Variants in UNC13C observed in about 807,000 individuals in gnomAD.
UNC13C encodes protein unc-13 homolog C.
In UNC13C, 174 loss-of-function variants were observed where a neutral mutation model predicts 245.4. The observed-to-expected ratio is 0.71, with a 90% CI of 0.63 to 0.80. The LOEUF (loss-of-function observed/expected upper bound fraction) is 0.80. Ranked by LOEUF, UNC13C falls within the 30% of genes least tolerant of loss-of-function variation. The pLI is 0.00. For missense variants in UNC13C, 2,829 were observed against 2,602.9 expected (o/e 1.09, Z -1.89); for synonymous variants, 992 against 895.1 (o/e 1.11, Z -1.93).
the UNC13C span, among the ~76,000 whole-genome samples, chr15:53,907,761 G>A: frequency 8.7e-6 from 1 of 114,408 alleles, no homozygotes; most frequent in South Asian, 3.2e-4. Flanking sequence ...AGAGAGCAAG[G>A]TCTCTATCTA....
intron 2 of UNC13C, among the ~76,000 whole-genome samples, chr15:54,069,665 A>G (rs1042727501): frequency 1.4e-4 from 22 of 152,320 alleles, no homozygotes; most frequent in Admixed American, 1.2e-3. Context: ...GCTTAAAAGG[A>G]GAAGAAAGAA....
chr15:54,042,828 G>T (rs1030321242), intron 2 of UNC13C, among the ~76,000 whole-genome samples: 2 of 152,070 alleles, frequency 1.3e-5, no homozygotes, highest in African/African-American at 4.8e-5. Flanking sequence ...ACTCCAGCCT[G>T]GGTGACAGAG....
At chr15:54,368,157 C>G (rs1197042567) in intron 17 of UNC13C, among the ~76,000 whole-genome samples, 1 of 152,024 alleles carries the variant, frequency 6.6e-6, no homozygotes, top group Non-Finnish European at 1.5e-5. Context: ...GAGTTTCTTA[C>G]TATTGACACT....
chr15:53,864,760 A>C, the UNC13C span, among the ~76,000 whole-genome samples: 1 of 152,172 alleles, frequency 6.6e-6, no homozygotes. Context: ...AGTAACCCTG[A>C]TTTATTCTGG....
At chr15:54,212,608 A>C (rs1290301333) in intron 4 of UNC13C, among the ~76,000 whole-genome samples, 1 of 152,060 alleles carries the variant, frequency 6.6e-6, no homozygotes, top group Non-Finnish European at 1.5e-5. Context: ...GCACAACCAA[A>C]TATCCCAAAT....
chr15:54,593,886 G>A (rs574507670), intron 30 of UNC13C, among the ~76,000 whole-genome samples: 332 of 152,192 alleles, frequency 2.2e-3, no homozygotes, highest in Non-Finnish European at 3.8e-3. Context: ...GTGATTTTGG[G>A]GGCATGTTGA....
intron 4 of UNC13C, among the ~76,000 whole-genome samples, chr15:54,232,016 T>G (rs754887001): frequency 3.3e-5 from 5 of 152,116 alleles, no homozygotes; most frequent in Non-Finnish European, 7.4e-5. Context: ...AAAAATAGTT[T>G]GCATTTATGT....
chr15:54,616,612 CAGAA>C (rs1338346214), intron 30 of UNC13C, among the ~76,000 whole-genome samples: 1 of 151,846 alleles, frequency 6.6e-6, no homozygotes, highest in Non-Finnish European at 1.5e-5. Flanking sequence ...AAAAATTTTA[CAGAA>C]TAAGGTTATA....
chr15:54,014,551 G>C lies in UNC13C; in HGVS notation c.1648G>C (p.Glu550Gln). Residue 550 changes from glutamate to glutamine, a missense_variant, in exon 2 of 33, where the codon GAA (glutamate) becomes CAA (glutamine). Glu to Gln is a conservative substitution (Grantham distance 29, BLOSUM62 2). Coordinates refer to ENST00000260323, the MANE Select transcript of UNC13C (RefSeq NM_001080534.3). ...DFFTAKLSRS[E>Q]SDFSKLCQSY... is the part of the protein sequence containing the mutation. ...TTTCACTGCTAAACTTAGTCGTTCT[G>C]AATCAGATTTTTCCAAATTGTGTCA... 2 of 1,613,764 alleles carry C rather than the reference G, an allele frequency of 1.2e-6. No individual in the cohort carries two copies. Among genetic ancestry groups the C allele is most frequent in the Non-Finnish European group, 1.7e-6 (2 of 1,179,824 alleles).
intron 2 of UNC13C, among the ~76,000 whole-genome samples, chr15:54,073,553 G>C (rs2141102228): frequency 6.6e-6 from 1 of 152,276 alleles, no homozygotes. Flanking sequence ...GTTGTTTCCT[G>C]ACTTTTGAAT....
At chr15:54,080,669 C>T (rs1443212733) in intron 2 of UNC13C, among the ~76,000 whole-genome samples, 1 of 151,930 alleles carries the variant, frequency 6.6e-6, no homozygotes. Context: ...TGTGATGACA[C>T]CTTTATCAAT....
intron 19 of UNC13C, among the ~76,000 whole-genome samples, chr15:54,424,852 T>G (rs1050981847): frequency 7.9e-5 from 12 of 151,680 alleles, no homozygotes; most frequent in Non-Finnish European, 1.5e-4. Flanking sequence ...ACAAAAATGT[T>G]TCGTGGGTAA....
intron 17 of UNC13C, among the ~76,000 whole-genome samples, chr15:54,341,278 A>C (rs2038722248): frequency 3.9e-5 from 6 of 152,246 alleles, no homozygotes; most frequent in Admixed American, 3.9e-4. Context: ...TGTAGCCATC[A>C]AAAAGAATGA....
At chr15:54,370,996 CAT>C (rs1340533424) in intron 17 of UNC13C, among the ~76,000 whole-genome samples, 2 of 152,106 alleles carry the variant, frequency 1.3e-5, no homozygotes, top group Non-Finnish European at 2.9e-5. Flanking sequence ...CATGACCTCA[CAT>C]AGTTATGATT....
In UNC13C at chr15:54,563,612, T is replaced by A. The variant is rs190988192; in HGVS notation, c.5959-4188T>A. On this transcript the variant is annotated intron_variant, in intron 29 of 32. Coordinates refer to ENST00000260323, the MANE Select transcript of UNC13C (RefSeq NM_001080534.3). ...AATAATGCACTTTTCACATATTTAA[T>A]GTTTTCATTTTACTGGGCTTTAAAC... Among the ~76,000 whole-genome samples the A allele has an allele frequency of 6.6e-5, 10 of 152,170 alleles. No individual in the cohort carries two copies. In the East Asian group the frequency reaches 1.9e-3, roughly 29 times the overall value.
intron 4 of UNC13C, among the ~76,000 whole-genome samples, chr15:54,202,242 G>A (rs1230256610): frequency 6.6e-6 from 1 of 151,854 alleles, no homozygotes; most frequent in East Asian, 1.9e-4. Context: ...GGACCATACT[G>A]CCAAAAGCAA....
At chr15:53,984,211 T>C (rs1894036528) in intron 1 of UNC13C, among the ~76,000 whole-genome samples, 1 of 152,092 alleles carries the variant, frequency 6.6e-6, no homozygotes, top group Non-Finnish European at 1.5e-5. Context: ...AAATATTTTT[T>C]TTTACAACCA....
At chr15:54,077,115 A>G (rs560156495) in intron 2 of UNC13C, among the ~76,000 whole-genome samples, 3 of 152,218 alleles carry the variant, frequency 2.0e-5, no homozygotes, top group African/African-American at 7.2e-5. Flanking sequence ...AGTGAAGGCT[A>G]TGAGTCTCTT....
chr15:54,360,667 G>T (rs1207277297), intron 17 of UNC13C, among the ~76,000 whole-genome samples: 1 of 152,062 alleles, frequency 6.6e-6, no homozygotes, highest in African/African-American at 2.4e-5. Context: ...TAGTGTTAAG[G>T]AATACACTCA....
Sources: gnomAD v4.1 joint callset for allele counts (sites outside exome capture counted in the v4.1 genomes callset) on GRCh38, gnomAD v4.1.1 for gene constraint, MANE v1.5 for transcripts, NCBI Gene and HGNC (gene_info 2026-07-23, HGNC 2026-07-21) for gene names.